The following BSN variants were observed in gnomAD, a reference collection of about 807,000 sequenced individuals.
BSN encodes the protein bassoon presynaptic cytomatrix protein.
In BSN, 57 loss-of-function variants were observed where a neutral mutation model predicts 264.8. That is an observed-to-expected ratio of 0.22 (90% confidence interval 0.17 to 0.27). BSN has a LOEUF of 0.27. Ranked by LOEUF, BSN falls within the 10% of genes least tolerant of loss-of-function variation. BSN has a pLI of 1.00. For missense variants in BSN, 4,615 were observed against 5,232.5 expected (o/e 0.88, Z 3.64); for synonymous variants, 2,059 against 2,137.3 (o/e 0.96, Z 1.01).
rs2052644241 is a variant in BSN at position 49,660,442 on chromosome 3, C to T, written c.8641-44C>T. 1 of 1,514,256 alleles carries T rather than the reference C, an allele frequency of 6.6e-7. No individual in the cohort carries two copies. The highest frequency in any genetic ancestry group is 8.8e-7 in the Non-Finnish European group (1 of 1,132,272). The allele number at this position is 1,514,256 out of a possible 1,614,324, so 93.8% of individuals were successfully genotyped here. A position where few individuals can be genotyped will look rare whatever the true frequency, so the allele number is the denominator to read the frequency against. The stretch of plus-strand genomic sequence containing the variant: ...GCCACCCCACACCCCATCAAGTCAC[C>T]ACACCTTGGGTCTCAGTGCTGCCCA... On this transcript the variant is annotated intron_variant, in intron 5 of 11. Coordinates refer to ENST00000296452, the MANE Select transcript of BSN (RefSeq NM_003458.4). This position sits in a 1 kb window ranked among gnomAD's most constrained non-coding sequence, Gnocchi z 7.1.
intron 3 of BSN, among the ~76,000 whole-genome samples, chr3:49,648,276 C>G (rs2052514878): frequency 6.6e-6 from 1 of 152,204 alleles, no homozygotes; most frequent in Non-Finnish European, 1.5e-5. Flanking sequence ...TGCCAGGCCA[C>G]CAAGGTGGGC....
Position 49,650,708 on chromosome 3 carries a change from C to T in BSN, c.1615C>T (p.Pro539Ser), listed in dbSNP as rs1339473648. 1.2e-6 allele frequency: 2 copies of T among 1,612,550 alleles called. No individual in the cohort carries two copies. The highest frequency in any genetic ancestry group is 2.2e-5 in the East Asian group (1 of 44,884). The change falls in exon 4 of 12, where the codon CCC (proline) becomes TCC (serine). Residue 539 changes from proline (P) to serine (S), a missense_variant. Physicochemically the swap from Pro to Ser is moderately conservative, Grantham distance 74 (BLOSUM62 -1). Coordinates refer to ENST00000296452, the MANE Select transcript of BSN (RefSeq NM_003458.4). ...TPLPPPTSQQ[P>S]PVGAPHRASG... is the part of the protein sequence containing the mutation. ...CCTGCCGCCGCCCACCTCACAGCAG[C>T]CCCCTGTAGGGGCCCCTCACCGTGC...
Position 49,652,007 on chromosome 3 carries a change from C to G in BSN, c.2451C>G (p.Asp817Glu), listed in dbSNP as rs1472297126. 2 of 1,612,898 alleles carry G rather than the reference C, an allele frequency of 1.2e-6. No homozygotes were observed. Among genetic ancestry groups the G allele is most frequent in the African/African-American group, 2.7e-5 (2 of 74,934 alleles). Reference protein sequence around the residue: ...GSQLRHDYVEDSSEGGLSPLP... With the variant: ...GSQLRHDYVEESSEGGLSPLP... ...AATTGAGGCACGACTATGTGGAGGA[C>G]AGCAGTGAGGGTGGCCTGTCCCCTC... Residue 817 changes from aspartate to glutamate, a missense_variant, in exon 5 of 12, where the codon GAC becomes GAG. Asp to Glu is a conservative substitution (Grantham distance 45). Transcript: ENST00000296452.
intron 1 of BSN, among the ~76,000 whole-genome samples, chr3:49,608,877 G>A (rs1041289762): frequency 2.0e-5 from 3 of 151,656 alleles, no homozygotes; most frequent in Admixed American, 2.0e-4. Context: ...TACGTCCTTA[G>A]CATCAGCCCT....
Position 49,625,400 on chromosome 3 carries a change from C to G in BSN, c.633+17C>G. ...CTCACCCAGGTAACCACTTCTGCGC[C>G]GGCTCCCCACTCACCTGCTACCTCA... is the stretch of plus-strand genomic sequence containing the variant. On this transcript the variant is annotated intron_variant, in intron 2 of 11. Coordinates refer to ENST00000296452, the MANE Select transcript of BSN (RefSeq NM_003458.4). This position sits in a 1 kb window ranked among gnomAD's most constrained non-coding sequence, Gnocchi z 4.4. The G allele has an allele frequency of 6.9e-7, 1 of 1,452,100 alleles. No individual in the cohort carries two copies. Among genetic ancestry groups the G allele is most frequent in the Non-Finnish European group, 9.1e-7 (1 of 1,103,428 alleles). The allele number at this position is 1,452,100 out of a possible 1,614,324, so 90.0% of individuals were successfully genotyped here. A position where few individuals can be genotyped will look rare whatever the true frequency, so the allele number is the denominator to read the frequency against.
At position 49,655,863 on chromosome 3, in the gene BSN, G is replaced by T. The variant is rs374754262; in HGVS notation, c.6307G>T (p.Ala2103Ser). The T allele has an allele frequency of 2.5e-6, 4 of 1,612,996 alleles. No homozygotes were observed. Among genetic ancestry groups the T allele is most frequent in the Admixed American group, 1.7e-5 (1 of 60,004 alleles). ...AGCCCGTGAAATCAGTCGCATGTGCGCTGCCCTCAACTCCATGGACCAGTA... is the reference window on the plus strand; with the variant it reads ...AGCCCGTGAAATCAGTCGCATGTGCTCTGCCCTCAACTCCATGGACCAGTA... The part of the protein sequence containing the change: ...TTAREISRMC[A>S]ALNSMDQYGG... Residue 2103 changes from alanine (A) to serine (S), a missense_variant, in exon 5 of 12, where the codon GCT becomes TCT. This residue lies in a region of BSN where 3,415 missense variants were observed against 3,866.4 expected (regional missense o/e 0.88). Transcript: ENST00000296452.
chr3:49,622,375 A>G lies in BSN; in HGVS notation c.225-2600A>G, dbSNP rs141046960. 2.0e-3 allele frequency among the ~76,000 whole-genome samples: 299 copies of G among 152,378 alleles called. 2 individuals carry two copies. The highest frequency in any genetic ancestry group is 6.8e-3 in the African/African-American group (284 of 41,598). ...CCATGAGGTGTGTGGGTGCACATCA[A>G]TGCCAGGAACACTGCCCTTGCATGC... On this transcript the variant is annotated intron_variant, in intron 1 of 11. Coordinates refer to ENST00000296452, the MANE Select transcript of BSN (RefSeq NM_003458.4).
Position 49,653,642 on chromosome 3 carries a change from C to G in BSN, c.4086C>G (p.Ser1362=), listed in dbSNP as rs1401363438. The G allele has an allele frequency of 8.1e-6, 13 of 1,613,710 alleles. No homozygotes were observed. In the Admixed American group the frequency reaches 1.8e-4, roughly 23 times the overall value. The change falls in exon 5 of 12, where the codon TCC becomes TCG. Residue 1362 remains serine (S), a synonymous_variant. Transcript: ENST00000296452. The surrounding 1 kb of genome is among the most constrained non-coding windows in gnomAD (Gnocchi z 6.3). The stretch of plus-strand genomic sequence containing the variant: ...TCAAGCTGCACAGCTCTCCTGCCTC[C>G]CCCAGCTCAGCCTCCAAGGAGATAG... ...DPLKLHSSPA[S]PSSASKEIGM...
chr3:49,614,630 T>C (rs1278358570), intron 1 of BSN, among the ~76,000 whole-genome samples: 1 of 152,228 alleles, frequency 6.6e-6, no homozygotes, highest in African/African-American at 2.4e-5. Flanking sequence ...GGTTTGGTTT[T>C]GTTCTACATC....
Position 49,670,844 on chromosome 3 carries a change from A to G in BSN, c.*3359A>G, listed in dbSNP as rs2052749436. 6.6e-6 allele frequency: 1 copy of G among 152,234 alleles called. No homozygotes were observed. Among genetic ancestry groups the G allele is most frequent in the South Asian group, 2.1e-4 (1 of 4,834 alleles). The allele number at this position is 152,234 out of a possible 1,614,324, so 9.4% of individuals were successfully genotyped here. A position where few individuals can be genotyped will look rare whatever the true frequency, so the allele number is the denominator to read the frequency against. On this transcript the variant is annotated 3_prime_UTR_variant, in exon 12 of 12. Transcript: ENST00000296452. ...TGAAAGAACAGCAGTGGTGGCAACT[A>G]TGCCTTGCCTTCTGGAGCCTGTAGG...
At chr3:49,591,577 A>G (rs1252024880) in intron 1 of BSN, among the ~76,000 whole-genome samples, 1 of 151,152 alleles carries the variant, frequency 6.6e-6, no homozygotes, top group African/African-American at 2.4e-5. Flanking sequence ...AAACTAATCT[A>G]TTTCTTCCAG....
rs766356129 is a variant in BSN at position 49,655,947 on chromosome 3, C to T, written c.6391C>T (p.His2131Tyr). ...GPDLVQYQPQ[H>Y]GPGLSAPQSL... ...TGACCTTGTGCAGTACCAGCCCCAGCACGGGCCCGGGCTCAGTGCTCCACA... is the reference window on the plus strand; with the variant it reads ...TGACCTTGTGCAGTACCAGCCCCAGTACGGGCCCGGGCTCAGTGCTCCACA... The change falls in exon 5 of 12, where the codon CAC becomes TAC. Residue 2131 changes from histidine (H) to tyrosine (Y), a missense_variant. Transcript: ENST00000296452. 11 of 1,610,866 alleles carry T rather than the reference C, an allele frequency of 6.8e-6. No individual in the cohort carries two copies. Among genetic ancestry groups the T allele is most frequent in the African/African-American group, 1.3e-5 (1 of 75,034 alleles).
At chr3:49,620,890 G>A (rs1017593315) in intron 1 of BSN, among the ~76,000 whole-genome samples, 3 of 152,150 alleles carry the variant, frequency 2.0e-5, no homozygotes, top group African/African-American at 7.2e-5. Context: ...GCAGTGAGCC[G>A]AGATTGCATC....
chr3:49,629,504 C>T (rs2052368856), intron 2 of BSN, among the ~76,000 whole-genome samples: 1 of 152,258 alleles, frequency 6.6e-6, no homozygotes. Flanking sequence ...CAGGCATAGC[C>T]TGCTTCTATA....
Position 49,660,324 on chromosome 3 carries a change from A to G in BSN, c.8641-162A>G, listed in dbSNP as rs1220534517. 2.0e-5 allele frequency among the ~76,000 whole-genome samples: 3 copies of G among 151,968 alleles called. No homozygotes were observed. The highest frequency in any genetic ancestry group is 6.5e-5 in the Admixed American group (1 of 15,274). Reference sequence around the variant, plus strand: ...CTCTATGGCAAAGAAACCAAGGCCTATGGGTGGGCAGGGTAGGCCTCCAGG... The same window carrying G: ...CTCTATGGCAAAGAAACCAAGGCCTGTGGGTGGGCAGGGTAGGCCTCCAGG... On this transcript the variant is annotated intron_variant, in intron 5 of 11. Coordinates refer to ENST00000296452, the MANE Select transcript of BSN (RefSeq NM_003458.4). The surrounding 1 kb of genome is among the most constrained non-coding windows in gnomAD (Gnocchi z 7.1).
chr3:49,562,173 C>T (rs1317293354), intron 1 of BSN, among the ~76,000 whole-genome samples: 1 of 152,174 alleles, frequency 6.6e-6, no homozygotes, highest in Non-Finnish European at 1.5e-5. Flanking sequence ...TCCCTTCTAC[C>T]TCCTACTGTG....
In BSN at chr3:49,655,794, G is replaced by T. The variant is rs753119246; in HGVS notation, c.6238G>T (p.Val2080Phe). The T allele has an allele frequency of 1.2e-6, 2 of 1,613,468 alleles. No homozygotes were observed. The highest frequency in any genetic ancestry group is 1.1e-5 in the South Asian group (1 of 91,090). The stretch of plus-strand genomic sequence containing the variant: ...CAGGTACGGCCCACGGGGAGATGCA[G>T]TTGGCTTCCAGGAGGCCAGCCTGGC... ...DHRYGPRGDAVGFQEASLAQY... is the reference protein window; with the variant it reads ...DHRYGPRGDAFGFQEASLAQY... The change falls in exon 5 of 12, where the codon GTT becomes TTT. Residue 2080 changes from valine (V) to phenylalanine (F), a missense_variant. Transcript: ENST00000296452.
intron 1 of BSN, among the ~76,000 whole-genome samples, chr3:49,578,061 A>G (rs1440622901): frequency 6.6e-6 from 1 of 152,218 alleles, no homozygotes; most frequent in Non-Finnish European, 1.5e-5. Context: ...CATTTTAAAC[A>G]TCACTTGTTA....
At chr3:49,645,964 C>G (rs2108075489) in intron 3 of BSN, among the ~76,000 whole-genome samples, 1 of 152,302 alleles carries the variant, frequency 6.6e-6, no homozygotes, top group Admixed American at 6.5e-5. Flanking sequence ...CGTGGAGCCC[C>G]CCTCATAGCT....
Sources: gnomAD v4.1 joint callset for allele counts (sites outside exome capture counted in the v4.1 genomes callset) on GRCh38, gnomAD v4.1.1 for gene constraint, gnomAD v4.1.1 regional missense constraint, Gnocchi (gnomAD v3.1) non-coding constraint, MANE v1.5 for transcripts, NCBI Gene and HGNC (gene_info 2026-07-23, HGNC 2026-07-21) for gene names.